Variants in DSE observed in about 807,000 individuals in gnomAD.
The protein encoded by DSE is dermatan-sulfate epimerase.
Under a neutral mutation model 84.4 loss-of-function variants are expected in DSE, and 36 were observed. That is an observed-to-expected ratio of 0.43 (90% CI 0.33 to 0.56). The LOEUF is 0.56. DSE is among the 20% of genes least tolerant of loss of function. The pLI is 0.06. For synonymous variants in DSE, 410 were observed against 430.1 expected (o/e 0.95, Z 0.58); for missense variants, 862 against 1,169.6 (o/e 0.74, Z 3.84).
At chr6:116,362,028 AGACCC>A (rs1216784836) in intron 2 of DSE, among the ~76,000 whole-genome samples, 6 of 152,240 alleles carry the variant, frequency 3.9e-5, no homozygotes, top group African/African-American at 1.4e-4. Flanking sequence ...TAGACTGTAA[AGACCC>A]TCAGAGATAT....
chr6:116,379,511 G>A (rs1780103739), intron 1 of DSE, among the ~76,000 whole-genome samples: 1 of 152,006 alleles, frequency 6.6e-6, no homozygotes, highest in Admixed American at 6.6e-5. Context: ...AGAGCTTTTG[G>A]TTTTAATGAG....
Position 116,442,285 on chromosome 6 carries a change from A to G in DSE, c.*4940A>G, listed in dbSNP as rs1200894805. ...CATGCTCTCACAGACTGCAGCAAAG[A>G]CTTGGATTATGAGTTGGGGAGTCAG... is the stretch of plus-strand genomic sequence containing the variant. On this transcript the variant is annotated 3_prime_UTR_variant, in exon 6 of 6. Coordinates refer to ENST00000644252, the MANE Select transcript of DSE (RefSeq NM_013352.4). 1 of 152,290 alleles carries G rather than the reference A, an allele frequency of 6.6e-6. No individual in the cohort carries two copies. Among genetic ancestry groups the G allele is most frequent in the Non-Finnish European group, 1.5e-5 (1 of 68,132 alleles). The allele number at this position is 152,290 out of a possible 1,614,324, so 9.4% of individuals were successfully genotyped here.
rs1783796878 is a variant in DSE at position 116,430,984 on chromosome 6, A to G, written c.701A>G (p.Lys234Arg). 3.1e-6 allele frequency: 5 copies of G among 1,613,962 alleles called. No individual in the cohort carries two copies. Among genetic ancestry groups the G allele is most frequent in the African/African-American group, 1.3e-5 (1 of 75,046 alleles). The change falls in exon 4 of 6, where the codon AAA becomes AGA. Residue 234 changes from lysine (K) to arginine (R), a missense_variant. By Grantham distance (26) the Lys-to-Arg change is conservative. Around this residue, in one of 4 missense-constraint regions of DSE, gnomAD observed 309 missense variants for 516.9 expected, o/e 0.60. Coordinates refer to ENST00000644252, the MANE Select transcript of DSE (RefSeq NM_013352.4). ...GYLQEAYLWT[K>R]QVLTIMEKSL... ...CTTCAAGAAGCCTACTTATGGACCAAACAAGTTCTGACCATCATGGAGAAA... is the reference window on the plus strand; with the variant it reads ...CTTCAAGAAGCCTACTTATGGACCAGACAAGTTCTGACCATCATGGAGAAA...
Position 116,429,877 on chromosome 6 carries a change from G to A in DSE, c.671-1077G>A, listed in dbSNP as rs1471847765. On this transcript the variant is annotated intron_variant, in intron 3 of 5. Transcript: ENST00000644252. Reference sequence around the variant, plus strand: ...TGAGGCAGGAGAATGGCGTGAACCCGGGAGGCGGAGCTTGCAGTGAGCCGA... The same window carrying A: ...TGAGGCAGGAGAATGGCGTGAACCCAGGAGGCGGAGCTTGCAGTGAGCCGA... Among the ~76,000 whole-genome samples, 5 of 24,926 alleles carry A rather than the reference G, an allele frequency of 2.0e-4. 1 individual carries two copies. The highest frequency in any genetic ancestry group is 4.3e-4 in the African/African-American group (2 of 4,664). 16.4% of individuals were successfully genotyped at this position (24,926 alleles called of 152,430 possible). A position where few individuals can be genotyped will look rare whatever the true frequency, so the allele number is the denominator to read the frequency against.
intron 2 of DSE, among the ~76,000 whole-genome samples, chr6:116,262,080 G>C (rs1020305382): frequency 3.3e-5 from 5 of 152,182 alleles, no homozygotes; most frequent in African/African-American, 1.2e-4. Flanking sequence ...TCTCTGCCAG[G>C]TTTTGGCATC....
intron 2 of DSE, among the ~76,000 whole-genome samples, chr6:116,331,617 T>C (rs1376063574): frequency 6.6e-6 from 1 of 152,164 alleles, no homozygotes; most frequent in Admixed American, 6.5e-5. Flanking sequence ...ATTTCTAGGC[T>C]ACCTGCCACT....
At position 116,440,702 on chromosome 6, in the gene DSE, A is replaced by G. The variant is rs760577324; in HGVS notation, c.*3357A>G. ...GTTAAAGGAGGAGCAATTAATTGTT[A>G]TTCCAGGACAACAGATATAAATCGA... On this transcript the variant is annotated 3_prime_UTR_variant, in exon 6 of 6. Coordinates refer to ENST00000644252, the MANE Select transcript of DSE (RefSeq NM_013352.4). 6 of 152,242 alleles carry G rather than the reference A, an allele frequency of 3.9e-5. No individual in the cohort carries two copies. The highest frequency in any genetic ancestry group is 7.3e-5 in the Non-Finnish European group (5 of 68,042). The allele number at this position is 152,242 out of a possible 1,614,324, so 9.4% of individuals were successfully genotyped here. A position where few individuals can be genotyped will look rare whatever the true frequency, so the allele number is the denominator to read the frequency against.
intron 2 of DSE, chr6:116,400,954 C>T (rs1449045623): frequency 2.0e-5 from 3 of 152,012 alleles, no homozygotes; most frequent in Admixed American, 6.5e-5. Context: ...AGAAAGAAAC[C>T]TTTGTCATCT....
Position 116,437,577 on chromosome 6 carries a change from G to T in DSE, c.*232G>T. 4.4e-6 allele frequency: 2 copies of T among 458,464 alleles called. No homozygotes were observed. The allele number at this position is 458,464 out of a possible 1,614,324, so 28.4% of individuals were successfully genotyped here. ...CCTATGGTGTTTTTGGAAGTATTTG[G>T]CATTGCTAATTGAGCAGTCCATATA... On this transcript the variant is annotated 3_prime_UTR_variant, in exon 6 of 6. Coordinates refer to ENST00000644252, the MANE Select transcript of DSE (RefSeq NM_013352.4).
intron 2 of DSE, among the ~76,000 whole-genome samples, chr6:116,328,082 A>T (rs976069270): frequency 1.3e-5 from 2 of 152,194 alleles, no homozygotes; most frequent in Non-Finnish European, 2.9e-5. Context: ...TAGCCCATCA[A>T]CAGAACCAAA....
rs147124340 is a variant in DSE, at chr6:116,436,121, G to A, written c.1653G>A (p.Leu551=). Residue 551 remains leucine, a synonymous_variant, in exon 6 of 6, where the codon CTG becomes CTA. Coordinates refer to ENST00000644252, the MANE Select transcript of DSE (RefSeq NM_013352.4). ...GVGAYNPQLN[L]KNVQRNLILL... ...GAGCTTATAACCCCCAGCTCAACCT[G>A]AAGAATGTTCAGAGGAATCTCATCC... is the stretch of plus-strand genomic sequence containing the variant. 9.0e-5 allele frequency: 145 copies of A among 1,612,928 alleles called. No individual in the cohort carries two copies. The African/African-American group carries it at 1.8e-3, about 20-fold the overall frequency.
chr6:116,275,292 C>T (rs954070435), intron 2 of DSE, among the ~76,000 whole-genome samples: 1 of 152,130 alleles, frequency 6.6e-6, no homozygotes, highest in African/African-American at 2.4e-5. Flanking sequence ...AAGTAGTGCT[C>T]TGTTAAAATG....
intron 2 of DSE, among the ~76,000 whole-genome samples, chr6:116,426,197 C>T (rs1301992249): frequency 6.6e-6 from 1 of 152,140 alleles, no homozygotes; most frequent in Non-Finnish European, 1.5e-5. Context: ...GCATCTTATT[C>T]AAGTGAAAAG....
At chr6:116,263,352 A>G (rs1354721887) in intron 2 of DSE, among the ~76,000 whole-genome samples, 1 of 145,100 alleles carries the variant, frequency 6.9e-6, no homozygotes, top group Non-Finnish European at 1.5e-5. Context: ...CCATTATGTA[A>G]TGCCCTTCTT....
At chr6:116,293,530 T>A (rs986850346) in intron 2 of DSE, among the ~76,000 whole-genome samples, 3 of 152,170 alleles carry the variant, frequency 2.0e-5, no homozygotes, top group African/African-American at 4.8e-5. Flanking sequence ...TGAAGAGTGA[T>A]TTAAAATAGC....
At chr6:116,393,948 T>C (rs1447895673) in intron 1 of DSE, among the ~76,000 whole-genome samples, 5 of 152,226 alleles carry the variant, frequency 3.3e-5, no homozygotes, top group Admixed American at 1.3e-4. Context: ...ACTAGTTTAG[T>C]GTTCAGTTTT....
chr6:116,273,202 T>C (rs1001219521), intron 2 of DSE, among the ~76,000 whole-genome samples: 3 of 152,244 alleles, frequency 2.0e-5, no homozygotes, highest in African/African-American at 7.2e-5. Flanking sequence ...CTAAGACATA[T>C]AGGTGTTCAC....
chr6:116,298,482 G>C (rs998052184), intron 2 of DSE, among the ~76,000 whole-genome samples: 1 of 152,192 alleles, frequency 6.6e-6, no homozygotes, highest in Admixed American at 6.5e-5. Context: ...AGAGGACGGG[G>C]CCACTAGCCA....
At chr6:116,347,841 A>G (rs1412079591) in intron 2 of DSE, among the ~76,000 whole-genome samples, 6 of 152,222 alleles carry the variant, frequency 3.9e-5, no homozygotes, top group African/African-American at 7.2e-5. Flanking sequence ...AGAAACTACC[A>G]TCAGAGTTAA....
Sources: allele counts gnomAD v4.1 joint callset (sites outside exome capture counted in the v4.1 genomes callset), GRCh38; gene constraint gnomAD v4.1.1; regional missense constraint gnomAD v4.1.1; transcripts MANE v1.5; gene names NCBI Gene and HGNC (gene_info 2026-07-23, HGNC 2026-07-21).